The following CNBD1 variants were observed in gnomAD, a reference collection of about 807,000 sequenced individuals.
CNBD1 encodes cyclic nucleotide binding domain containing 1.
A neutral mutation model predicts 54.4 loss-of-function variants in CNBD1; 71 were observed. The observed-to-expected ratio is 1.30, with a 90% confidence interval of 1.08 to 1.59. The LOEUF is 1.59. Ranked by LOEUF, CNBD1 falls within the 40% of genes most tolerant of loss-of-function variation. The pLI, the probability that CNBD1 is intolerant of heterozygous loss-of-function variation, is 0.00. For synonymous variants in CNBD1, 182 were observed against 170.7 expected, an observed-to-expected ratio of 1.07 and a Z score of -0.51; for missense variants, 659 against 518.0, an observed-to-expected ratio of 1.27 and a Z score of -2.64.
At chr8:86,943,053 A>T (rs2336867) in intron 4 of CNBD1, among the ~76,000 whole-genome samples, 75,132 of 137,006 alleles carry the variant, frequency 0.55, 18,965 homozygotes, top group Admixed American at 0.61. Context: ...GACTAAAATT[A>T]AAAAAAAAAA....
At chr8:87,174,340 G>A (rs1348190118) in intron 4 of CNBD1, among the ~76,000 whole-genome samples, 1 of 152,058 alleles carries the variant, frequency 6.6e-6, no homozygotes, top group African/African-American at 2.4e-5. Context: ...TTCTTTGGCT[G>A]ATAAATTCTG....
chr8:87,147,029 C>G (rs1812505128), intron 4 of CNBD1, among the ~76,000 whole-genome samples: 3 of 152,118 alleles, frequency 2.0e-5, no homozygotes, highest in Middle Eastern at 3.4e-3. Flanking sequence ...CCTTCCATAC[C>G]ATTTCCTCCA....
At chr8:87,183,044 A>C (rs1271765427) in intron 4 of CNBD1, among the ~76,000 whole-genome samples, 1 of 152,116 alleles carries the variant, frequency 6.6e-6, no homozygotes, top group Non-Finnish European at 1.5e-5. Flanking sequence ...TCTTACATTT[A>C]AGTCTTTAAT....
chr8:87,304,460 G>A (rs1035301982), intron 8 of CNBD1, among the ~76,000 whole-genome samples: 5 of 151,874 alleles, frequency 3.3e-5, no homozygotes, highest in African/African-American at 9.7e-5. Flanking sequence ...CACAGGAAGG[G>A]GAACATCACA....
At chr8:86,868,735 A>G (rs146525963) in intron 1 of CNBD1, among the ~76,000 whole-genome samples, 6 of 152,228 alleles carry the variant, frequency 3.9e-5, no homozygotes, top group East Asian at 3.9e-4. Flanking sequence ...CAAGAACTCT[A>G]TGTCTTCGGT....
intron 8 of CNBD1, among the ~76,000 whole-genome samples, chr8:87,344,239 A>G (rs539891305): frequency 6.6e-6 from 1 of 152,202 alleles, no homozygotes; most frequent in South Asian, 2.1e-4. Context: ...AAATATGGGT[A>G]AGCAATTTTT....
intron 4 of CNBD1, among the ~76,000 whole-genome samples, chr8:87,089,233 T>C (rs1437498559): frequency 6.6e-6 from 1 of 152,092 alleles, no homozygotes; most frequent in Admixed American, 6.5e-5. Flanking sequence ...ACCACAGACA[T>C]GATTCTGTAG....
At chr8:86,967,462 C>A (rs1465011894) in intron 4 of CNBD1, among the ~76,000 whole-genome samples, 3 of 152,232 alleles carry the variant, frequency 2.0e-5, no homozygotes, top group Non-Finnish European at 4.4e-5. Context: ...AGGGGCGGGG[C>A]TCCCACTGGC....
chr8:87,234,114 G>A (rs1807522361), intron 5 of CNBD1, among the ~76,000 whole-genome samples: 1 of 152,088 alleles, frequency 6.6e-6, no homozygotes, highest in South Asian at 2.1e-4. Context: ...CTGTAAGTAA[G>A]CTCTACTTTT....
intron 2 of CNBD1, among the ~76,000 whole-genome samples, chr8:87,423,927 G>A (rs190262428): frequency 3.2e-4 from 48 of 152,308 alleles, no homozygotes; most frequent in Non-Finnish European, 5.3e-4. Context: ...TGGTTGGTAA[G>A]CTATTGATTA....
At chr8:87,378,059 T>G (rs1810988928) in intron 10 of CNBD1, among the ~76,000 whole-genome samples, 1 of 142,640 alleles carries the variant, frequency 7.0e-6, no homozygotes, top group Non-Finnish European at 1.5e-5. Flanking sequence ...ATTAGCCCTT[T>G]GTCAGATGAG....
chr8:87,296,261 A>C (rs1322378424), intron 8 of CNBD1, among the ~76,000 whole-genome samples: 1 of 152,174 alleles, frequency 6.6e-6, no homozygotes, highest in East Asian at 1.9e-4. Flanking sequence ...TAGATTTGAC[A>C]GTTTTCATGA....
chr8:86,967,110 T>G (rs934115683), intron 4 of CNBD1, among the ~76,000 whole-genome samples: 2 of 152,176 alleles, frequency 1.3e-5, no homozygotes, highest in African/African-American at 2.4e-5. Context: ...CGGCTTCACC[T>G]CTCACCAGGA....
At chr8:87,012,338 T>C (rs1262520190) in intron 4 of CNBD1, among the ~76,000 whole-genome samples, 1 of 152,206 alleles carries the variant, frequency 6.6e-6, no homozygotes, top group Non-Finnish European at 1.5e-5. Context: ...TAGGGAGTCA[T>C]GCCCCACAAA....
intron 8 of CNBD1, among the ~76,000 whole-genome samples, chr8:87,338,832 G>A (rs1810006845): frequency 1.3e-5 from 2 of 152,128 alleles, no homozygotes; most frequent in Non-Finnish European, 2.9e-5. Context: ...TGATGTACTG[G>A]ATAGAAGACA....
At chr8:86,961,753 C>A (rs1258591933) in intron 4 of CNBD1, among the ~76,000 whole-genome samples, 2 of 152,214 alleles carry the variant, frequency 1.3e-5, no homozygotes, top group African/African-American at 4.8e-5. Flanking sequence ...CCTGTTCCAC[C>A]AGAGTGACAG....
chr8:87,351,635 A>C, intron 8 of CNBD1, 50 bp from the exon 9 acceptor site: 1 of 1,411,610 alleles, frequency 7.1e-7, no homozygotes, highest in Non-Finnish European at 9.3e-7. Context: ...ATCTAAAATA[A>C]TTTATTAAAG....
chr8:87,042,677 C>T (rs1810097184), intron 4 of CNBD1, among the ~76,000 whole-genome samples: 1 of 151,954 alleles, frequency 6.6e-6, no homozygotes, highest in Non-Finnish European at 1.5e-5. Context: ...GTGTTATATT[C>T]ATCTGTTTTC....
chr8:87,357,599 C>G (rs1217257985), intron 10 of CNBD1, among the ~76,000 whole-genome samples: 3 of 152,138 alleles, frequency 2.0e-5, no homozygotes, highest in African/African-American at 4.8e-5. Context: ...TTTAGCACCA[C>G]TGTATCTTGG....
Sources: gnomAD v4.1 joint callset for allele counts (sites outside exome capture counted in the v4.1 genomes callset) on GRCh38, gnomAD v4.1.1 for gene constraint, MANE v1.5 for transcripts, NCBI Gene and HGNC (gene_info 2026-07-23, HGNC 2026-07-21) for gene names.